NBPF14: variants seen among roughly 807,000 people sequenced by gnomAD.
NBPF14 encodes the protein NBPF family member NBPF14.
NBPF14 carries 104 observed loss-of-function variants against 91.2 expected under a neutral mutation model. The observed-to-expected ratio is 1.14, with a 90% CI of 0.97 to 1.34. NBPF14 has a LOEUF of 1.34. Among genes scored for constraint, NBPF14 ranks in the 40% most tolerant of loss-of-function variants. The probability of loss-of-function intolerance (pLI) is 0.00; values close to 1 mark genes in which losing one functional copy is unlikely to be tolerated. For synonymous variants in NBPF14, 294 were observed against 303.8 expected (o/e 0.97, Z 0.34); for missense variants, 908 against 783.0 (o/e 1.16, Z -1.91).
intron 16 of NBPF14, 131 bp from the exon 17 acceptor site, chr1:148,575,942 A>G (rs1205494090): frequency 6.2e-6 from 3 of 485,580 alleles, no homozygotes; most frequent in Non-Finnish European, 1.1e-5. Flanking sequence ...GAGGTAATGA[A>G]TTATTGCCTT....
At chr1:148,577,142 G>T in intron 15 of NBPF14, 41 bp downstream of exon 15, 2 of 612,942 alleles carry the variant, frequency 3.3e-6, no homozygotes, top group Admixed American at 3.0e-5. Flanking sequence ...CTAACCAGAA[G>T]ACTCAGTGGA....
At chr1:148,577,304 T>G in exon 15 of NBPF14, 1 of 619,070 alleles carries the variant, frequency 1.6e-6, no homozygotes, top group Non-Finnish European at 2.9e-6. Flanking sequence ...ATCTATCCAG[T>G]GAGTCCTGCA....
intron 28 of NBPF14, among the ~76,000 whole-genome samples, chr1:148,566,609 CAGG>C (rs1658460789): frequency 7.1e-6 from 1 of 141,054 alleles, no homozygotes; most frequent in African/African-American, 2.6e-5. Context: ...GAGGGAGTAA[CAGG>C]ACACTCTGAG....
At chr1:148,580,838 T>C (rs1416636728) in intron 12 of NBPF14, among the ~76,000 whole-genome samples, 1 of 114,206 alleles carries the variant, frequency 8.8e-6, no homozygotes, top group Admixed American at 8.9e-5. Flanking sequence ...CTTTATTATT[T>C]TTTGTGTGTA....
chr1:148,587,626 G>A (rs1661765046), intron 7 of NBPF14, among the ~76,000 whole-genome samples: 2 of 143,852 alleles, frequency 1.4e-5, no homozygotes, highest in Admixed American at 6.9e-5. Flanking sequence ...GCACATCAAG[G>A]AAGTTGACAA....
At chr1:148,533,349 A>C in intron 70 of NBPF14, 101 bp from the exon 71 acceptor site, 1 of 520,772 alleles carries the variant, frequency 1.9e-6, no homozygotes, top group Non-Finnish European at 3.3e-6. Flanking sequence ...GTTAGAAAAG[A>C]AAAAGGATAG....
chr1:148,587,164 T>C lies in NBPF14; in HGVS notation c.1091+137A>G. The C allele has an allele frequency of 4.2e-6, 3 of 707,364 alleles. No individual in the cohort carries two copies. The South Asian group carries it at 4.8e-5, about 11-fold the overall frequency. The allele number at this position is 707,364 out of a possible 1,614,324, so 43.8% of individuals were successfully genotyped here. A position where few individuals can be genotyped will look rare whatever the true frequency, so the allele number is the denominator to read the frequency against. On this transcript the variant is annotated intron_variant, in intron 8 of 70. Coordinates refer to ENST00000619423, the Ensembl canonical transcript of NBPF14. The stretch of plus-strand genomic sequence containing the variant: ...ACTATCCTTCTTCTCTGATAAATAT[T>C]TGTGTGTAGCGAGCCTGCCATGGCA...
intron 69 of NBPF14, among the ~76,000 whole-genome samples, chr1:148,534,288 C>A (rs587594118): frequency 2.0e-5 from 3 of 151,774 alleles, no homozygotes; most frequent in East Asian, 1.9e-4. Flanking sequence ...AGGAGAAAAA[C>A]TGCAATATTT....
At chr1:148,561,776 GAC>G (rs1179446616) in intron 34 of NBPF14, among the ~76,000 whole-genome samples, 197 bp from the exon 35 acceptor site, 33,465 of 104,218 alleles carry the variant, frequency 0.32, 3,134 homozygotes, top group African/African-American at 0.47. Flanking sequence ...AAGACAGATA[GAC>G]ACACACACAC....
chr1:148,590,040 CTTT>C (rs1196401979), intron 6 of NBPF14, among the ~76,000 whole-genome samples: 7 of 76,348 alleles, frequency 9.2e-5, no homozygotes, highest in African/African-American at 3.6e-4. Context: ...CAGAGACTTA[CTTT>C]TTTTTTTTTT....
rs1207167130 is a variant in NBPF14 at position 148,590,163 on chromosome 1, C to T, written c.778+594G>A. Among the ~76,000 whole-genome samples the T allele has an allele frequency of 5.6e-5, 8 of 142,030 alleles. 1 individual carries two copies. The highest frequency in any genetic ancestry group is 9.4e-5 in the Non-Finnish European group (6 of 64,110). 93.2% of individuals were successfully genotyped at this position (142,030 alleles called of 152,430 possible). ...TCCTGGGTTCATGCCAATTCTCCTG[C>T]CTCAGCCTCCTGAGTAGCTGGGACT... On this transcript the variant is annotated intron_variant, in intron 6 of 70. Transcript: ENST00000619423.
At chr1:148,550,146 G>C (rs1656042526) in intron 49 of NBPF14, among the ~76,000 whole-genome samples, 1 of 148,938 alleles carries the variant, frequency 6.7e-6, no homozygotes. Flanking sequence ...AGTAGGATTA[G>C]GGCGCCACAG....
At chr1:148,566,539 A>T (rs1658397544) in intron 28 of NBPF14, among the ~76,000 whole-genome samples, 1 of 122,184 alleles carries the variant, frequency 8.2e-6, no homozygotes, top group Non-Finnish European at 1.9e-5. Context: ...ACACACACAC[A>T]CAAACACACA....
intron 2 of NBPF14, among the ~76,000 whole-genome samples, chr1:148,595,156 G>T (rs1318512925): frequency 2.7e-5 from 4 of 145,866 alleles, no homozygotes; most frequent in African/African-American, 5.0e-5. Flanking sequence ...ACAGAAACTT[G>T]AACTGAATAA....
chr1:148,534,613 T>A (rs1160094283), intron 69 of NBPF14, 71 bp downstream of exon 69: 15 of 908,792 alleles, frequency 1.7e-5, no homozygotes, highest in East Asian at 2.4e-5. Flanking sequence ...TAAGGGCCAC[T>A]TGGAATAGGA....
chr1:148,561,808 C>T (rs1209989670), intron 34 of NBPF14, among the ~76,000 whole-genome samples: 1 of 136,200 alleles, frequency 7.3e-6, no homozygotes, highest in African/African-American at 3.5e-5. Context: ...CACAAACACA[C>T]ACACACACAC....
At chr1:148,541,991 T>A (rs1194712485) in intron 59 of NBPF14, among the ~76,000 whole-genome samples, 152 bp from the exon 60 acceptor site, 597 of 33,440 alleles carry the variant, frequency 0.018, 128 homozygotes, top group Non-Finnish European at 0.02. Flanking sequence ...TGAAGGCTGG[T>A]TATGATAGAA....
intron 69 of NBPF14, among the ~76,000 whole-genome samples, 189 bp downstream of exon 69, chr1:148,534,495 T>G (rs1654594838): frequency 6.6e-6 from 1 of 151,844 alleles, no homozygotes; most frequent in African/African-American, 2.4e-5. Context: ...AAGAGAGTCT[T>G]GCTCACTGAC....
At chr1:148,590,212 G>A (rs1195591971) in intron 6 of NBPF14, among the ~76,000 whole-genome samples, 54 of 136,384 alleles carry the variant, frequency 4.0e-4, no homozygotes, top group African/African-American at 1.4e-3. Context: ...ACCACGCCCA[G>A]CTATTTTTTT....
Sources: gnomAD v4.1 joint callset for allele counts (sites outside exome capture counted in the v4.1 genomes callset) on GRCh38, gnomAD v4.1.1 for gene constraint, MANE v1.5 for transcripts, NCBI Gene and HGNC (gene_info 2026-07-23, HGNC 2026-07-21) for gene names.